EPHX2: variants seen among roughly 807,000 people sequenced by gnomAD.
EPHX2 encodes epoxide hydrolase 2.
In EPHX2, 74 loss-of-function variants were observed where a neutral mutation model predicts 78.7. That is an observed-to-expected ratio of 0.94 (90% CI 0.78 to 1.14). The LOEUF is 1.14. Among genes scored for constraint, EPHX2 ranks in the 50% most tolerant of loss-of-function variants. The pLI is 0.00. For missense variants in EPHX2, 715 were observed against 702.5 expected (o/e 1.02, Z -0.20); for synonymous variants, 251 against 255.2 (o/e 0.98, Z 0.16).
intron 5 of EPHX2, among the ~76,000 whole-genome samples, chr8:27,507,984 C>A (rs763441197): frequency 6.6e-6 from 1 of 152,124 alleles, no homozygotes; most frequent in Non-Finnish European, 1.5e-5. Flanking sequence ...GCCTAATCTC[C>A]GAATACAGTC....
At chr8:27,525,097 TGTGTGTGTGTGCGCGCGC>T (rs1814781920) in intron 11 of EPHX2, among the ~76,000 whole-genome samples, 1 of 136,972 alleles carries the variant, frequency 7.3e-6, no homozygotes, top group African/African-American at 3.2e-5. Flanking sequence ...TGTGTGTGTG[TGTGTGTGTGTGCGCGCGC>T]GCGCGCGCAC....
At chr8:27,501,357 C>CTTCTTCTTCTTG (rs1813774374) in intron 2 of EPHX2, among the ~76,000 whole-genome samples, 2 of 128,376 alleles carry the variant, frequency 1.6e-5, no homozygotes, top group Admixed American at 8.0e-5. Flanking sequence ...TCTTCTTCTT[C>CTTCTTCTTCTTG]TTCTTCTTCT....
At chr8:27,515,880 A>T in intron 7 of EPHX2, 67 bp downstream of exon 7, 1 of 1,377,802 alleles carries the variant, frequency 7.3e-7, no homozygotes, top group South Asian at 1.2e-5. Context: ...GTGTGGTCCG[A>T]CGTGGACTGT....
At chr8:27,541,102 G>A (rs1815384420) in intron 15 of EPHX2, among the ~76,000 whole-genome samples, 2 of 152,142 alleles carry the variant, frequency 1.3e-5, no homozygotes, top group Non-Finnish European at 2.9e-5. Context: ...CCTGGGGCAG[G>A]CGAGTGGCCT....
At chr8:27,491,634 A>T (rs550614496) in intron 1 of EPHX2, among the ~76,000 whole-genome samples, 9 of 152,336 alleles carry the variant, frequency 5.9e-5, no homozygotes, top group Non-Finnish European at 1.3e-4. Flanking sequence ...GCCGAGATTC[A>T]GGAGAGAAGA....
At chr8:27,520,989 G>A in intron 10 of EPHX2, 80 bp downstream of exon 10, 1 of 1,584,778 alleles carries the variant, frequency 6.3e-7, no homozygotes, top group Non-Finnish European at 8.7e-7. Flanking sequence ...TCAGCCTCGA[G>A]CAGAGGTGCA....
chr8:27,537,465 G>A lies in EPHX2; in HGVS notation c.1242+610G>A, dbSNP rs72477569. 7.5e-3 allele frequency among the ~76,000 whole-genome samples: 1,136 copies of A among 152,170 alleles called. 5 individuals carry two copies. The highest frequency in any genetic ancestry group is 0.012 in the Non-Finnish European group (829 of 68,006). On this transcript the variant is annotated intron_variant, in intron 13 of 18. Transcript: ENST00000521400. ...CATTTATCTGAGTATAGAATTTTAG[G>A]TTATTTTCTTTTAGAAACTTCTGTC...
chr8:27,515,709 C>T lies in EPHX2; in HGVS notation c.736-9C>T. Reference sequence around the variant, plus strand: ...TTGGTCGCTGCCCTCTCCTCTTTCCCTTCCACAGCCCAGGGTCCGTCTGCA... The same window carrying T: ...TTGGTCGCTGCCCTCTCCTCTTTCCTTTCCACAGCCCAGGGTCCGTCTGCA... On this transcript the variant is annotated splice_polypyrimidine_tract_variant and intron_variant, in intron 6 of 18. Transcript: ENST00000521400. 1 of 1,613,302 alleles carries T rather than the reference C, an allele frequency of 6.2e-7. No homozygotes were observed. Among genetic ancestry groups the T allele is most frequent in the Non-Finnish European group, 8.5e-7 (1 of 1,179,712 alleles).
At chr8:27,507,123 G>T in intron 5 of EPHX2, 129 bp downstream of exon 5, 3 of 1,212,048 alleles carry the variant, frequency 2.5e-6, no homozygotes, top group Non-Finnish European at 3.4e-6. Flanking sequence ...CGCTGGTTGG[G>T]AGTCCATCAC....
chr8:27,507,428 T>C lies in EPHX2; in HGVS notation c.660+434T>C, dbSNP rs1279745814. Reference sequence around the variant, plus strand: ...CTCTTAAGAAAAGCCTGTCCGTCCCTGAGGTGGTTGGGACAGCCATCATGA... The same window carrying C: ...CTCTTAAGAAAAGCCTGTCCGTCCCCGAGGTGGTTGGGACAGCCATCATGA... On this transcript the variant is annotated intron_variant, in intron 5 of 18. Coordinates refer to ENST00000521400, the MANE Select transcript of EPHX2 (RefSeq NM_001979.6). Among the ~76,000 whole-genome samples the C allele has an allele frequency of 5.3e-5, 8 of 152,162 alleles. 1 individual carries two copies. The highest frequency in any genetic ancestry group is 3.9e-4 in the Admixed American group (6 of 15,278).
intron 9 of EPHX2, 96 bp from the exon 10 acceptor site, chr8:27,520,787 A>C: frequency 6.8e-7 from 1 of 1,460,534 alleles, no homozygotes; most frequent in Non-Finnish European, 9.6e-7. Flanking sequence ...GGACTTCAAC[A>C]CAGCAGTTTT....
At chr8:27,514,397 T>C (rs1814373804) in intron 6 of EPHX2, among the ~76,000 whole-genome samples, 1 of 152,232 alleles carries the variant, frequency 6.6e-6, no homozygotes, top group African/African-American at 2.4e-5. Context: ...CGTGAATTTC[T>C]ATAATGTGAC....
At chr8:27,506,218 G>A (rs905521840) in intron 4 of EPHX2, among the ~76,000 whole-genome samples, 1 of 152,092 alleles carries the variant, frequency 6.6e-6, no homozygotes, top group African/African-American at 2.4e-5. Flanking sequence ...TGAACTCCTG[G>A]TTTCAACCAA....
intron 17 of EPHX2, 70 bp from the exon 18 acceptor site, chr8:27,544,116 C>T (rs759762768): frequency 6.4e-7 from 1 of 1,564,524 alleles, no homozygotes; most frequent in Non-Finnish European, 8.8e-7. Flanking sequence ...GTCCATTGCC[C>T]ATTGCACTAG....
At chr8:27,518,809 G>A (rs1814549205) in intron 9 of EPHX2, among the ~76,000 whole-genome samples, 1 of 152,132 alleles carries the variant, frequency 6.6e-6, no homozygotes, top group African/African-American at 2.4e-5. Context: ...CCATTTCCAG[G>A]CAGGGCTGCT....
rs934483582 is a variant in EPHX2, at chr8:27,504,812, T to C, written c.347-144T>C. The C allele has an allele frequency of 1.6e-5, 13 of 790,950 alleles. No individual in the cohort carries two copies. In the Admixed American group the frequency reaches 2.8e-4, roughly 17 times the overall value. The allele number at this position is 790,950 out of a possible 1,614,324, so 49.0% of individuals were successfully genotyped here. On this transcript the variant is annotated intron_variant, in intron 3 of 18. Coordinates refer to ENST00000521400, the MANE Select transcript of EPHX2 (RefSeq NM_001979.6). Reference sequence around the variant, plus strand: ...ATGGGTCAAGATGATTCTTTTCCAATTTGTCAGTTGAAAGTTGGGCATAAG... The same window carrying C: ...ATGGGTCAAGATGATTCTTTTCCAACTTGTCAGTTGAAAGTTGGGCATAAG...
chr8:27,547,670 A>G (rs1326660011), downstream of EPHX2, among the ~76,000 whole-genome samples: 1 of 152,154 alleles, frequency 6.6e-6, no homozygotes, highest in Non-Finnish European at 1.5e-5. Context: ...TCTAGCTGGA[A>G]TTTGACATTC....
intron 2 of EPHX2, among the ~76,000 whole-genome samples, chr8:27,501,324 T>TTTCTTCTTCTCCTTCTTCTTC (rs1813762778): frequency 9.7e-6 from 1 of 102,914 alleles, no homozygotes; most frequent in Non-Finnish European, 2.0e-5. Context: ...TGCTATATAT[T>TTTCTTCTTCTCCTTCTTCTTC]TTCTTCTTCT....
At chr8:27,500,187 T>G (rs1813712828) in intron 1 of EPHX2, among the ~76,000 whole-genome samples, 1 of 152,174 alleles carries the variant, frequency 6.6e-6, no homozygotes, top group African/African-American at 2.4e-5. Context: ...CTCCTTGCTG[T>G]TCTCGTGATG....
Sources: gnomAD v4.1 joint callset for allele counts (sites outside exome capture counted in the v4.1 genomes callset) on GRCh38, gnomAD v4.1.1 for gene constraint, MANE v1.5 for transcripts, NCBI Gene and HGNC (gene_info 2026-07-23, HGNC 2026-07-21) for gene names.